The following NRG3 variants were observed in gnomAD, a reference collection of about 807,000 sequenced individuals.
NRG3 encodes the protein neuregulin 3.
In NRG3, 31 loss-of-function variants were observed where a neutral mutation model predicts 66.9. That is an observed-to-expected ratio of 0.46 (90% CI 0.35 to 0.63). The LOEUF (loss-of-function observed/expected upper bound fraction) is 0.63. NRG3 is among the 20% of genes least tolerant of loss of function. NRG3 has a pLI of 0.00. For missense variants in NRG3, 910 were observed against 878.9 expected, an observed-to-expected ratio of 1.04 and a Z score of -0.45; for synonymous variants, 393 against 359.4, an observed-to-expected ratio of 1.09 and a Z score of -1.06.
chr10:82,375,224 T>C (rs1379771727), intron 2 of NRG3, among the ~76,000 whole-genome samples: 1 of 152,136 alleles, frequency 6.6e-6, no homozygotes, highest in South Asian at 2.1e-4. Context: ...CTAGGATAAC[T>C]CACCCGAGGC....
rs115625256 is a variant in NRG3 at position 82,501,837 on chromosome 10, C to T, written c.953+142969C>T. Among the ~76,000 whole-genome samples, 575 of 152,138 alleles carry T rather than the reference C, an allele frequency of 3.8e-3. 1 individual carries two copies. The highest frequency in any genetic ancestry group is 0.013 in the African/African-American group (543 of 41,506). On this transcript the variant is annotated intron_variant, in intron 2 of 8. Transcript: ENST00000372141. ...AGCTGATATTATTAATATTTTTATC[C>T]TGCATATTTCATTATTTATTTGCGC...
chr10:82,023,131 G>A (rs938671512), intron 1 of NRG3, among the ~76,000 whole-genome samples: 1 of 151,330 alleles, frequency 6.6e-6, no homozygotes, highest in Admixed American at 6.6e-5. Flanking sequence ...CCTTATAAAT[G>A]TGATTGCTCT....
At chr10:81,911,550 C>A (rs1030820635) in intron 1 of NRG3, among the ~76,000 whole-genome samples, 5 of 146,608 alleles carry the variant, frequency 3.4e-5, no homozygotes, top group Admixed American at 2.7e-4. Context: ...CCATTTGCTG[C>A]TGTTTGACTG....
In NRG3 at chr10:82,735,804, A is replaced by G. The variant is rs551425625; in HGVS notation, c.954-2773A>G. 2.0e-5 allele frequency among the ~76,000 whole-genome samples: 3 copies of G among 152,304 alleles called. No individual in the cohort carries two copies. In the South Asian group the frequency reaches 6.2e-4, roughly 32 times the overall value. ...TAGCATTAGTACAAATACCTAATGC[A>G]TGTGAGGTTTAAAACCTGGATGTCG... On this transcript the variant is annotated intron_variant, in intron 2 of 8. Transcript: ENST00000372141.
chr10:81,965,267 G>C (rs574463041), intron 1 of NRG3, among the ~76,000 whole-genome samples: 5 of 152,224 alleles, frequency 3.3e-5, no homozygotes, highest in African/African-American at 7.2e-5. Flanking sequence ...GTCTCTCTCT[G>C]TCATCTATCA....
At chr10:82,935,485 C>A (rs937857349) in intron 4 of NRG3, among the ~76,000 whole-genome samples, 1 of 152,156 alleles carries the variant, frequency 6.6e-6, no homozygotes, top group Admixed American at 6.6e-5. Flanking sequence ...GAATATTCTG[C>A]AGCCACTTAA....
intron 1 of NRG3, among the ~76,000 whole-genome samples, chr10:81,904,084 C>T (rs1844359233): frequency 6.6e-6 from 1 of 151,440 alleles, no homozygotes; most frequent in Non-Finnish European, 1.5e-5. Context: ...ATCTCAGCTC[C>T]CTGCAACCTC....
At chr10:82,603,688 G>T (rs891765281) in intron 2 of NRG3, among the ~76,000 whole-genome samples, 1 of 152,072 alleles carries the variant, frequency 6.6e-6, no homozygotes, top group African/African-American at 2.4e-5. Flanking sequence ...AAAGTCTCAG[G>T]TGAAGTTATT....
At chr10:82,476,622 A>G (rs1209897677) in intron 2 of NRG3, among the ~76,000 whole-genome samples, 1 of 152,216 alleles carries the variant, frequency 6.6e-6, no homozygotes, top group East Asian at 1.9e-4. Context: ...CAAATACTGA[A>G]TGGCTCTCCT....
intron 1 of NRG3, among the ~76,000 whole-genome samples, chr10:81,915,115 T>C (rs925476392): frequency 2.0e-5 from 3 of 152,206 alleles, no homozygotes; most frequent in Non-Finnish European, 4.4e-5. Context: ...GACTATTCTC[T>C]TTGGAAATTA....
chr10:81,989,155 G>A (rs1008464869), intron 1 of NRG3, among the ~76,000 whole-genome samples: 16 of 152,130 alleles, frequency 1.1e-4, no homozygotes, highest in Non-Finnish European at 1.8e-4. Flanking sequence ...TATAGGAATA[G>A]GATATTGTCA....
chr10:82,904,814 C>T (rs1237394980), intron 4 of NRG3, among the ~76,000 whole-genome samples: 1 of 152,058 alleles, frequency 6.6e-6, no homozygotes, highest in Admixed American at 6.6e-5. Flanking sequence ...AAAATAGCAT[C>T]GACTATTTTT....
chr10:82,441,299 T>A (rs774567363), intron 2 of NRG3, among the ~76,000 whole-genome samples: 49 of 152,198 alleles, frequency 3.2e-4, no homozygotes, highest in Non-Finnish European at 6.0e-4. Flanking sequence ...TTAATACACA[T>A]ATAAGGGATT....
intron 1 of NRG3, among the ~76,000 whole-genome samples, chr10:82,272,783 T>C (rs1234125014): frequency 6.6e-6 from 1 of 152,102 alleles, no homozygotes. Flanking sequence ...TGTGTCCTCT[T>C]TGTATTTCTG....
intron 2 of NRG3, among the ~76,000 whole-genome samples, chr10:82,585,222 G>A (rs1311894899): frequency 6.6e-6 from 1 of 151,738 alleles, no homozygotes; most frequent in Non-Finnish European, 1.5e-5. Context: ...AATTGAAAAA[G>A]TATTCTTCAA....
intron 3 of NRG3, among the ~76,000 whole-genome samples, chr10:82,803,535 T>C (rs1308825342): frequency 6.6e-6 from 1 of 152,154 alleles, no homozygotes; most frequent in Non-Finnish European, 1.5e-5. Context: ...TGATGTATAA[T>C]TTTTCACCTT....
chr10:82,905,625 T>C (rs922779337), intron 4 of NRG3, among the ~76,000 whole-genome samples: 1 of 152,212 alleles, frequency 6.6e-6, no homozygotes, highest in Non-Finnish European at 1.5e-5. Context: ...TTAAATACAC[T>C]GTCTTTCAGA....
chr10:82,306,799 G>C lies in NRG3; in HGVS notation c.824-51940G>C, dbSNP rs551281386. 5.4e-5 allele frequency among the ~76,000 whole-genome samples: 8 copies of C among 149,530 alleles called. No individual in the cohort carries two copies. In the East Asian group the frequency reaches 1.6e-3, roughly 30 times the overall value. The stretch of plus-strand genomic sequence containing the variant: ...TTGCTTTTTTTGATGGGACAGGGAA[G>C]GGTTCTTTGACAACTTCATATATTT... On this transcript the variant is annotated intron_variant, in intron 1 of 8. Coordinates refer to ENST00000372141, the MANE Select transcript of NRG3 (RefSeq NM_001010848.4).
intron 2 of NRG3, among the ~76,000 whole-genome samples, chr10:82,405,975 T>C (rs1184794100): frequency 2.0e-5 from 3 of 152,220 alleles, no homozygotes; most frequent in East Asian, 1.9e-4. Flanking sequence ...CAATTTGCAT[T>C]GCTCCATTGC....
Sources: gnomAD v4.1 joint callset for allele counts (sites outside exome capture counted in the v4.1 genomes callset) on GRCh38, gnomAD v4.1.1 for gene constraint, MANE v1.5 for transcripts, NCBI Gene and HGNC (gene_info 2026-07-23, HGNC 2026-07-21) for gene names.